RGS3: variants seen among roughly 807,000 people sequenced by gnomAD.
RGS3 encodes the protein regulator of G protein signaling 3, also known as regulator of G-protein signalling 3.
Under a neutral mutation model 132.6 loss-of-function variants are expected in RGS3, and 80 were observed. That is an observed-to-expected ratio of 0.60 (90% confidence interval 0.50 to 0.73). RGS3 has a LOEUF of 0.73. Among genes scored for constraint, RGS3 ranks in the 30% least tolerant of loss-of-function variants. RGS3 has a pLI of 0.00. For missense variants in RGS3, 1,382 were observed against 1,530.8 expected, an observed-to-expected ratio of 0.90 and a Z score of 1.62; for synonymous variants, 598 against 620.6, an observed-to-expected ratio of 0.96 and a Z score of 0.54.
chr9:113,454,333 G>A (rs1354805165), intron 1 of RGS3, among the ~76,000 whole-genome samples: 1 of 152,086 alleles, frequency 6.6e-6, no homozygotes, highest in Non-Finnish European at 1.5e-5. Context: ...GATCCTAGCT[G>A]GGTGCGGTGC....
chr9:113,594,002 T>C (rs1365837037), intron 21 of RGS3: 10 of 1,612,888 alleles, frequency 6.2e-6, no homozygotes, highest in African/African-American at 2.7e-5. Flanking sequence ...TGCAGACACA[T>C]GCCCCTTTCA....
rs776470672 is a variant in RGS3, at chr9:113,506,008, G to T, written c.980-380G>T. Among the ~76,000 whole-genome samples, 1 of 152,214 alleles carries T rather than the reference G, an allele frequency of 6.6e-6. No homozygotes were observed. Among genetic ancestry groups the T allele is most frequent in the Non-Finnish European group, 1.5e-5 (1 of 68,040 alleles). On this transcript the variant is annotated intron_variant, in intron 11 of 24. Coordinates refer to ENST00000350696, the Ensembl canonical transcript of RGS3. The surrounding 1 kb of genome is among the most constrained non-coding windows in gnomAD (Gnocchi z 4.7). ...CCAGTGCCTACACAAGGGTGGGCAT[G>T]AGGTTCGTGCACAATGATTGGCAGA...
rs180835969 is a variant in RGS3, at chr9:113,473,961, A to G, written c.416-5530A>G. Among the ~76,000 whole-genome samples, 390 of 152,270 alleles carry G rather than the reference A, an allele frequency of 2.6e-3. 3 individuals carry two copies. The highest frequency in any genetic ancestry group is 4.3e-3 in the Non-Finnish European group (295 of 68,026). On this transcript the variant is annotated intron_variant, in intron 3 of 24. Coordinates refer to ENST00000350696, the Ensembl canonical transcript of RGS3. ...GCCCCACAGGACTGCTAGTGGTGTT[A>G]TGATCCAGCCAAGATTAGATGCTGA... is the stretch of plus-strand genomic sequence containing the variant.
intron 19 of RGS3, among the ~76,000 whole-genome samples, chr9:113,560,995 A>G (rs1339313825): frequency 6.6e-6 from 1 of 152,106 alleles, no homozygotes; most frequent in Non-Finnish European, 1.5e-5. Flanking sequence ...TCCTGGGACC[A>G]CATCTTTCCC....
intron 15 of RGS3, 107 bp from the exon 14 acceptor site, chr9:113,517,433 TG>T: frequency 1.2e-6 from 1 of 868,232 alleles, no homozygotes; most frequent in Non-Finnish European, 2.0e-6. Context: ...CAGTCTTCTC[TG>T]GGTCAGAGGG....
chr9:113,584,203 C>G, exon 20 of RGS3: 1 of 1,614,106 alleles, frequency 6.2e-7, no homozygotes, highest in Non-Finnish European at 8.5e-7. Flanking sequence ...TGGCCTCTCA[C>G]TGCGTGTGCA....
chr9:113,595,527 G>T (rs939617317), intron 23 of RGS3, 72 bp from the exon 22 acceptor site: 1 of 1,539,510 alleles, frequency 6.5e-7, no homozygotes, highest in Non-Finnish European at 8.9e-7. Flanking sequence ...GTCCTGTAGG[G>T]GTAAGCTGAG....
intron 7 of RGS3, 134 bp downstream of exon 5, chr9:113,485,827 A>G: frequency 3.2e-6 from 2 of 630,912 alleles, no homozygotes; most frequent in Non-Finnish European, 5.6e-6. Flanking sequence ...TAAATTGCAG[A>G]GGCTGCCCCT....
chr9:113,521,120 T>G (rs957279809), intron 16 of RGS3, among the ~76,000 whole-genome samples: 2 of 152,178 alleles, frequency 1.3e-5, no homozygotes, highest in African/African-American at 4.8e-5. Flanking sequence ...TCTCTTGGGC[T>G]GCACTGAGAC....
chr9:113,558,376 G>A lies in RGS3; in HGVS notation c.2037+21458G>A, dbSNP rs142690800. Among the ~76,000 whole-genome samples the A allele has an allele frequency of 1.8e-3, 273 of 152,248 alleles. 2 individuals carry two copies. Among genetic ancestry groups the A allele is most frequent in the African/African-American group, 6.1e-3 (255 of 41,546 alleles). On this transcript the variant is annotated intron_variant, in intron 19 of 24. Transcript: ENST00000350696. ...AAATTAGCCGGACGTGGTGGTGGGCGCCTGTAATCCCAGCTACTTGGGAGG... is the reference window on the plus strand; with the variant it reads ...AAATTAGCCGGACGTGGTGGTGGGCACCTGTAATCCCAGCTACTTGGGAGG...
At chr9:113,556,408 T>C (rs1174952516) in intron 19 of RGS3, among the ~76,000 whole-genome samples, 1 of 152,168 alleles carries the variant, frequency 6.6e-6, no homozygotes, top group African/African-American at 2.4e-5. Context: ...ATAATAATAA[T>C]AATAATAATG....
chr9:113,446,849 G>T (rs564996844), intron 1 of RGS3, among the ~76,000 whole-genome samples: 5 of 152,314 alleles, frequency 3.3e-5, no homozygotes, highest in South Asian at 2.1e-4. Context: ...CAGATTATCA[G>T]TTGGGCAGAG....
At position 113,517,659 on chromosome 9, in the gene RGS3, C is replaced by A. The variant is rs756474725; in HGVS notation, c.1758+35C>A. 12 of 1,544,010 alleles carry A rather than the reference C, an allele frequency of 7.8e-6. No individual in the cohort carries two copies. In the South Asian group the frequency reaches 1.3e-4, roughly 17 times the overall value. On this transcript the variant is annotated intron_variant, in intron 16 of 24. Coordinates refer to ENST00000350696, the Ensembl canonical transcript of RGS3. ...TCACCTGCATTTTTTAGGGGGCTTT[C>A]TGGGTGGGCTTCATTGGCATTCTCC...
chr9:113,463,616 C>A lies in RGS3; in HGVS notation c.415+1415C>A. 2 of 1,160,200 alleles carry A rather than the reference C, an allele frequency of 1.7e-6. No homozygotes were observed. Among genetic ancestry groups the A allele is most frequent in the Non-Finnish European group, 2.3e-6 (2 of 888,576 alleles). The allele number at this position is 1,160,200 out of a possible 1,614,324, so 71.9% of individuals were successfully genotyped here. ...CCACCCCGGCCCAGCTCTGCTCCGGCAGGTGGAACTCTCCCCATTCAAACC... is the reference window on the plus strand; with the variant it reads ...CCACCCCGGCCCAGCTCTGCTCCGGAAGGTGGAACTCTCCCCATTCAAACC... On this transcript the variant is annotated intron_variant, in intron 3 of 24. Transcript: ENST00000350696. This position sits in a 1 kb window ranked among gnomAD's most constrained non-coding sequence, Gnocchi z 4.6.
chr9:113,503,943 C>T (rs1169684880), intron 10 of RGS3, among the ~76,000 whole-genome samples: 1 of 152,104 alleles, frequency 6.6e-6, no homozygotes, highest in African/African-American at 2.4e-5. Context: ...GTCTTAGCTG[C>T]GTGTTTTCCC....
At chr9:113,467,010 A>G (rs1829665406) in intron 3 of RGS3, among the ~76,000 whole-genome samples, 2 of 152,040 alleles carry the variant, frequency 1.3e-5, no homozygotes, top group Non-Finnish European at 2.9e-5. Flanking sequence ...ACTTAGCATA[A>G]TGTTTTCAAG....
At chr9:113,544,376 G>T (rs902560779) in intron 19 of RGS3, among the ~76,000 whole-genome samples, 2 of 151,404 alleles carry the variant, frequency 1.3e-5, no homozygotes, top group Non-Finnish European at 2.9e-5. Flanking sequence ...AAGCCATCAG[G>T]CCTGGATCTC....
At position 113,536,827 on chromosome 9, in the gene RGS3, A is replaced by G. The variant is rs749043457; in HGVS notation, c.1946A>G (p.His649Arg). ...GAGTGCTTATTCACTTTGGAAGCGCACTCGCAGGAGCAGAAGAAGAGAGTG... is the reference window on the plus strand; with the variant it reads ...GAGTGCTTATTCACTTTGGAAGCGCGCTCGCAGGAGCAGAAGAAGAGAGTG... Residue 649 changes from histidine to arginine, a missense_variant, in exon 19 of 25, where the codon CAC (histidine) becomes CGC (arginine). His to Arg is a conservative substitution (Grantham distance 29). Transcript: ENST00000350696. 1.1e-5 allele frequency: 18 copies of G among 1,614,088 alleles called. No individual in the cohort carries two copies. In the East Asian group the frequency reaches 4.0e-4, roughly 36 times the overall value.
At chr9:113,448,340 C>T (rs1319203883) in intron 1 of RGS3, among the ~76,000 whole-genome samples, 17 of 152,206 alleles carry the variant, frequency 1.1e-4, no homozygotes, top group Non-Finnish European at 4.4e-5. Context: ...CCCATTGCCA[C>T]TCACTCTCAC....
Sources: allele counts gnomAD v4.1 joint callset (sites outside exome capture counted in the v4.1 genomes callset), GRCh38; gene constraint gnomAD v4.1.1; non-coding constraint Gnocchi (gnomAD v3.1); transcripts MANE v1.5; gene names NCBI Gene and HGNC (gene_info 2026-07-23, HGNC 2026-07-21).